Variants in RBM5 observed in about 807,000 individuals in gnomAD.
The protein encoded by RBM5 is RNA binding motif protein 5.
In RBM5, 15 loss-of-function variants were observed where a neutral mutation model predicts 124.6. The ratio of observed to expected loss-of-function variants is 0.12; its 90% CI spans 0.08 to 0.19. The LOEUF (loss-of-function observed/expected upper bound fraction) is 0.19, where lower values mean the gene tolerates loss of function less well. Ranked by LOEUF, RBM5 falls within the 10% of genes least tolerant of loss-of-function variation. RBM5 has a pLI of 1.00. For synonymous variants in RBM5, 337 were observed against 361.2 expected (o/e 0.93, Z 0.76); for missense variants, 580 against 1,026.5 (o/e 0.57, Z 5.94).
At chr3:50,099,059 A>G (rs1455800595) in intron 4 of RBM5, among the ~76,000 whole-genome samples, 1 of 152,178 alleles carries the variant, frequency 6.6e-6, no homozygotes, top group Admixed American at 6.6e-5. Context: ...GTTCCAGACC[A>G]GCCTGGGCAA....
At chr3:50,099,801 G>A (rs1285067438) in intron 4 of RBM5, 181 bp from the exon 5 acceptor site, 3 of 458,352 alleles carry the variant, frequency 6.5e-6, no homozygotes, top group Middle Eastern at 1.2e-3. Flanking sequence ...GGTGGTGGTT[G>A]CAGTGAGCTG....
chr3:50,110,136 C>T (rs2091115794), intron 15 of RBM5, among the ~76,000 whole-genome samples: 2 of 152,144 alleles, frequency 1.3e-5, no homozygotes, highest in African/African-American at 2.4e-5. Flanking sequence ...GCTTGAACCC[C>T]GGAGACGGAG....
At position 50,109,643 on chromosome 3, in the gene RBM5, G is replaced by C. The variant is rs1176508497; in HGVS notation, c.1233G>C (p.Gln411His). The change falls in exon 15 of 25, where the codon CAG becomes CAC. Residue 411 changes from glutamine to histidine, a missense_variant. Coordinates refer to ENST00000347869, the MANE Select transcript of RBM5 (RefSeq NM_005778.4). ...CCACCTCAGCGGCTGTAGTGTCCCAGAGTCCTCAGCTGTATAATCAAACCT... is the reference window on the plus strand; with the variant it reads ...CCACCTCAGCGGCTGTAGTGTCCCACAGTCCTCAGCTGTATAATCAAACCT... ...VTTTSAAVVS[Q>H]SPQLYNQTSN... 1.9e-6 allele frequency: 3 copies of C among 1,613,996 alleles called. No individual in the cohort carries two copies. The highest frequency in any genetic ancestry group is 3.3e-5 in the Admixed American group (2 of 59,992).
intron 11 of RBM5, 91 bp downstream of exon 11, chr3:50,106,955 G>A (rs1026292350): frequency 1.1e-5 from 12 of 1,084,164 alleles, no homozygotes; most frequent in Non-Finnish European, 1.6e-5. Context: ...CCCCAAGTAT[G>A]TTGAGACACT....
At chr3:50,113,586 T>C (rs2091187654) in intron 18 of RBM5, 42 bp downstream of exon 18, 2 of 1,557,864 alleles carry the variant, frequency 1.3e-6, no homozygotes, top group South Asian at 2.4e-5. Context: ...GGTATTGGGC[T>C]GAACTCTTAG....
At chr3:50,114,783 G>A (rs1488115406) in intron 20 of RBM5, 5 of 154,500 alleles carry the variant, frequency 3.2e-5, no homozygotes, top group East Asian at 1.9e-4. Context: ...GGAGATCAAG[G>A]CTGCAGTGAG....
intron 10 of RBM5, 50 bp downstream of exon 10, chr3:50,105,759 G>A (rs773392277): frequency 2.3e-5 from 36 of 1,587,060 alleles, no homozygotes; most frequent in Admixed American, 5.2e-5. Context: ...GCTTTAAGAG[G>A]CAAATGTGGT....
At chr3:50,094,885 G>A (rs1179940876) in intron 4 of RBM5, among the ~76,000 whole-genome samples, 2 of 152,142 alleles carry the variant, frequency 1.3e-5, no homozygotes, top group Non-Finnish European at 1.5e-5. Flanking sequence ...AAAGTTCACT[G>A]AACTAGGTTC....
At chr3:50,097,556 C>G (rs2090844903) in intron 4 of RBM5, among the ~76,000 whole-genome samples, 1 of 151,736 alleles carries the variant, frequency 6.6e-6, no homozygotes, top group African/African-American at 2.4e-5. Context: ...CAGTGAGAAT[C>G]TTGTTTCCAC....
Position 50,117,367 on chromosome 3 carries a change from G to T in RBM5, c.2310G>T (p.Thr770=). ...SGLGRKCQGI[T]APIEAQVRLK... ...TGGGACGAAAGTGTCAAGGCATTAC[G>T]GCTCCCATTGAGGTAAGCAGTGGGG... Residue 770 remains threonine (T), a synonymous_variant, in exon 24 of 25, where the codon ACG becomes ACT. Transcript: ENST00000347869. This position sits in a 1 kb window ranked among gnomAD's most constrained non-coding sequence, Gnocchi z 4.2. 1 of 1,614,042 alleles carries T rather than the reference G, an allele frequency of 6.2e-7. No individual in the cohort carries two copies. The highest frequency in any genetic ancestry group is 1.1e-5 in the South Asian group (1 of 91,062).
chr3:50,093,597 A>T (rs1191603574), intron 3 of RBM5, 123 bp from the exon 4 acceptor site: 2 of 1,105,400 alleles, frequency 1.8e-6, no homozygotes, highest in Non-Finnish European at 2.5e-6. Flanking sequence ...TGCAGTGAAC[A>T]TTACCATGGA....
At chr3:50,111,024 CAT>C (rs1418392489) in intron 17 of RBM5, 2 of 479,672 alleles carry the variant, frequency 4.2e-6, no homozygotes, top group African/African-American at 3.9e-5. Context: ...AATGTTTATA[CAT>C]GTCTATACAT....
intron 20 of RBM5, chr3:50,115,211 G>C: frequency 1.9e-6 from 1 of 515,842 alleles, no homozygotes; most frequent in Non-Finnish European, 3.4e-6. Flanking sequence ...CCATTTCTTA[G>C]GCTCCAAGAA....
chr3:50,089,319 C>A (rs559083546), intron 1 of RBM5, among the ~76,000 whole-genome samples: 1 of 152,352 alleles, frequency 6.6e-6, no homozygotes, highest in African/African-American at 2.4e-5. Flanking sequence ...GGAGCCGTCG[C>A]CTGTCCCTCG....
At chr3:50,091,865 A>T (rs955246795) in intron 2 of RBM5, 178 bp from the exon 3 acceptor site, 1 of 680,722 alleles carries the variant, frequency 1.5e-6, no homozygotes, top group Non-Finnish European at 2.7e-6. Flanking sequence ...ACATTTAGGG[A>T]TGTAGGTATT....
At chr3:50,110,821 T>A (rs755903561) in intron 17 of RBM5, 51 bp downstream of exon 17, 1 of 1,424,666 alleles carries the variant, frequency 7.0e-7, no homozygotes, top group South Asian at 1.2e-5. Context: ...TTTCGCTTAG[T>A]GCATTTATGA....
At chr3:50,109,422 C>T (rs1175940315) in intron 14 of RBM5, among the ~76,000 whole-genome samples, 181 bp from the exon 15 acceptor site, 1 of 152,150 alleles carries the variant, frequency 6.6e-6, no homozygotes, top group Non-Finnish European at 1.5e-5. Flanking sequence ...TTGTATATCA[C>T]ATCTAGTAGA....
chr3:50,102,069 C>T (rs2090950417), intron 6 of RBM5: 1 of 152,148 alleles, frequency 6.6e-6, no homozygotes, highest in Admixed American at 6.5e-5. Context: ...AATTGCTCAA[C>T]AGTATGTATG....
intron 10 of RBM5, among the ~76,000 whole-genome samples, chr3:50,106,150 T>TTTTTTTTTTTTTTTTTTTTTTCTG (rs2091027324): frequency 1.0e-5 from 1 of 99,598 alleles, no homozygotes; most frequent in African/African-American, 3.7e-5. Flanking sequence ...TTTTTTTTTT[T>TTTTTTTTTTTTTTTTTTTTTTCTG]TTGAGAGGGA....
Sources: gnomAD v4.1 joint callset for allele counts (sites outside exome capture counted in the v4.1 genomes callset) on GRCh38, gnomAD v4.1.1 for gene constraint, Gnocchi (gnomAD v3.1) non-coding constraint, MANE v1.5 for transcripts, NCBI Gene and HGNC (gene_info 2026-07-23, HGNC 2026-07-21) for gene names.